Variants in CDH17 observed in about 807,000 individuals in gnomAD.
CDH17 encodes the protein cadherin 17.
In CDH17, 67 loss-of-function variants were observed where a neutral mutation model predicts 86.3. The observed-to-expected ratio is 0.78, with a 90% CI of 0.64 to 0.95. The LOEUF (loss-of-function observed/expected upper bound fraction) is 0.95. CDH17 is among the 40% of genes least tolerant of loss of function. CDH17 has a pLI of 0.00. For synonymous variants in CDH17, 367 were observed against 366.4 expected (o/e 1.00, Z -0.02); for missense variants, 993 against 1,017.6 (o/e 0.98, Z 0.33).
chr8:94,185,191 C>T (rs1187340431), intron 3 of CDH17, among the ~76,000 whole-genome samples: 1 of 151,914 alleles, frequency 6.6e-6, no homozygotes, highest in Non-Finnish European at 1.5e-5. Flanking sequence ...TGTTTTCTAG[C>T]ATGAAGCTTC....
At chr8:94,204,004 T>A (rs1813973985) in intron 1 of CDH17, among the ~76,000 whole-genome samples, 1 of 152,206 alleles carries the variant, frequency 6.6e-6, no homozygotes, top group Non-Finnish European at 1.5e-5. Context: ...AGGTTCATGA[T>A]AGGGAAGATG....
At chr8:94,161,895 C>T (rs553228835) in intron 11 of CDH17, among the ~76,000 whole-genome samples, 191 bp downstream of exon 11, 1 of 152,088 alleles carries the variant, frequency 6.6e-6, no homozygotes, top group Non-Finnish European at 1.5e-5. Flanking sequence ...TTCCCAGACA[C>T]CTGTAATAGT....
chr8:94,194,435 G>T (rs767607389), intron 2 of CDH17, among the ~76,000 whole-genome samples, 200 bp downstream of exon 2: 1 of 152,162 alleles, frequency 6.6e-6, no homozygotes, highest in African/African-American at 2.4e-5. Context: ...TTCCCTAGTC[G>T]AGGGCAGACA....
chr8:94,185,577 A>T (rs1219445550), intron 3 of CDH17, among the ~76,000 whole-genome samples: 3 of 152,182 alleles, frequency 2.0e-5, no homozygotes, highest in Non-Finnish European at 2.9e-5. Context: ...ATTGTCTTCA[A>T]TGGAGTGTGG....
intron 3 of CDH17, among the ~76,000 whole-genome samples, chr8:94,182,932 A>G (rs1586268114): frequency 1.3e-5 from 2 of 152,150 alleles, no homozygotes; most frequent in African/African-American, 4.8e-5. Context: ...TAAAAGATCA[A>G]TAAACAAAAA....
intron 3 of CDH17, among the ~76,000 whole-genome samples, chr8:94,187,764 G>A (rs1331057223): frequency 6.6e-6 from 1 of 151,898 alleles, no homozygotes; most frequent in African/African-American, 2.4e-5. Context: ...CCCTCTCCTG[G>A]CAGAGGGCAG....
intron 1 of CDH17, among the ~76,000 whole-genome samples, chr8:94,198,565 C>T (rs1258270588): frequency 6.6e-6 from 1 of 152,208 alleles, no homozygotes; most frequent in African/African-American, 2.4e-5. Flanking sequence ...AATAATGACA[C>T]ATTGGGAGAT....
chr8:94,180,317 T>C (rs1015342850), intron 3 of CDH17, among the ~76,000 whole-genome samples: 1 of 151,034 alleles, frequency 6.6e-6, no homozygotes, highest in Non-Finnish European at 1.5e-5. Flanking sequence ...AACACATACA[T>C]AATAAAAGTT....
At chr8:94,202,435 T>A (rs1417287166) in intron 1 of CDH17, 1 of 152,710 alleles carries the variant, frequency 6.5e-6, no homozygotes, top group Non-Finnish European at 1.5e-5. Context: ...CCTCCCAGAG[T>A]GCTGGGATTA....
Position 94,162,171 on chromosome 8 carries a change from CAA to C in CDH17, c.1283-11_1283-10del. ...ACAAAGGGTCTTGAAATCTGAAAAC[CAA>C]AGTCATATGTCATAGAAATTTTCAC... On this transcript the variant is annotated splice_polypyrimidine_tract_variant and intron_variant, in intron 10 of 17. Coordinates refer to ENST00000027335, the MANE Select transcript of CDH17 (RefSeq NM_004063.4). The C allele has an allele frequency of 6.4e-7, 1 of 1,569,714 alleles. No individual in the cohort carries two copies. Among genetic ancestry groups the C allele is most frequent in the Middle Eastern group, 1.7e-4 (1 of 5,972 alleles).
At chr8:94,159,884 T>A (rs1813016870) in intron 12 of CDH17, 87 bp downstream of exon 12, 1 of 962,588 alleles carries the variant, frequency 1.0e-6, no homozygotes, top group Admixed American at 2.7e-5. Context: ...TGCTAATACA[T>A]CACCTCTGCT....
chr8:94,156,999 G>A (rs988815763), intron 12 of CDH17, among the ~76,000 whole-genome samples: 2 of 152,158 alleles, frequency 1.3e-5, no homozygotes, highest in African/African-American at 2.4e-5. Context: ...AGAGGAGGTG[G>A]AGGCCTGGAG....
intron 12 of CDH17, among the ~76,000 whole-genome samples, chr8:94,152,962 C>A (rs1478783731): frequency 6.6e-6 from 1 of 152,132 alleles, no homozygotes; most frequent in African/African-American, 2.4e-5. Flanking sequence ...GCCACTATGC[C>A]CAGCCTAGCA....
intron 2 of CDH17, among the ~76,000 whole-genome samples, 159 bp from the exon 3 acceptor site, chr8:94,189,444 A>G (rs1052272362): frequency 2.6e-5 from 4 of 152,146 alleles, no homozygotes; most frequent in Non-Finnish European, 5.9e-5. Flanking sequence ...TTGAAGCTCT[A>G]CCACGTCAAA....
intron 5 of CDH17, among the ~76,000 whole-genome samples, chr8:94,175,691 T>C (rs1400086632): frequency 6.6e-6 from 1 of 151,842 alleles, no homozygotes; most frequent in Non-Finnish European, 1.5e-5. Flanking sequence ...AGGGCTTTTG[T>C]GGAAGTGAAA....
At chr8:94,158,762 C>T (rs1344775627) in intron 12 of CDH17, among the ~76,000 whole-genome samples, 1 of 152,178 alleles carries the variant, frequency 6.6e-6, no homozygotes, top group Non-Finnish European at 1.5e-5. Flanking sequence ...CAGCAGGGCC[C>T]TTGGTTCAAG....
At chr8:94,190,122 C>T (rs1278514679) in intron 2 of CDH17, among the ~76,000 whole-genome samples, 2 of 152,184 alleles carry the variant, frequency 1.3e-5, no homozygotes, top group Non-Finnish European at 1.5e-5. Context: ...TTAATCCTGA[C>T]AAAAACTCTG....
chr8:94,174,074 AG>A (rs779850613), intron 6 of CDH17, 27 bp downstream of exon 6: 35 of 1,611,584 alleles, frequency 2.2e-5, no homozygotes, highest in Non-Finnish European at 3.0e-5. Context: ...TGATCGAGAC[AG>A]TCCTACCAGG....
intron 9 of CDH17, among the ~76,000 whole-genome samples, chr8:94,168,139 TATATATATATATATATA>T (rs1813198290): frequency 9.2e-6 from 1 of 108,292 alleles, no homozygotes; most frequent in Non-Finnish European, 1.8e-5. Flanking sequence ...TATATATATA[TATATATATATATATATA>T]TTTGTGTGTG....
Sources: allele counts gnomAD v4.1 joint callset (sites outside exome capture counted in the v4.1 genomes callset), GRCh38; gene constraint gnomAD v4.1.1; transcripts MANE v1.5; gene names NCBI Gene and HGNC (gene_info 2026-07-23, HGNC 2026-07-21).